Variants in EDA observed in about 807,000 individuals in gnomAD.
EDA encodes ectodysplasin-A.
A neutral mutation model predicts 23.6 loss-of-function variants in EDA; 2 were observed. That is an observed-to-expected ratio of 0.08 (90% CI 0.03 to 0.27). The LOEUF is 0.27. Among genes scored for constraint, EDA ranks in the 10% least tolerant of loss-of-function variants. The pLI is 1.00. For synonymous variants in EDA, 131 were observed against 132.0 expected, an observed-to-expected ratio of 0.99 and a Z score of 0.05; for missense variants, 229 against 324.2, an observed-to-expected ratio of 0.71 and a Z score of 2.26.
At chrX:69,641,644 A>G (rs1344536359) in intron 1 of EDA, among the ~76,000 whole-genome samples, 2 of 112,100 alleles carry the variant, frequency 1.8e-5, no homozygotes, top group African/African-American at 6.5e-5. Flanking sequence ...TGGTTCATCA[A>G]AGTCACTCCC....
chrX:70,029,068 A>G (rs757386759), intron 4 of EDA, among the ~76,000 whole-genome samples: 3 of 112,698 alleles, frequency 2.7e-5, no homozygotes, highest in Non-Finnish European at 3.7e-5. Flanking sequence ...CCCTTTTCTT[A>G]TAGAGTTTAT....
At chrX:69,713,717 G>A (rs1487350232) in intron 1 of EDA, among the ~76,000 whole-genome samples, 1 of 111,836 alleles carries the variant, frequency 8.9e-6, no homozygotes, top group East Asian at 2.8e-4. Flanking sequence ...TTTTATTGCT[G>A]AGTAATGTTT....
At chrX:69,958,763 G>A (rs1405084661) in intron 2 of EDA, among the ~76,000 whole-genome samples, 3 of 111,403 alleles carry the variant, frequency 2.7e-5, no homozygotes, top group African/African-American at 9.8e-5. Flanking sequence ...TGGAAGCAGG[G>A]AGCTAAGAAG....
intron 2 of EDA, among the ~76,000 whole-genome samples, chrX:69,975,020 T>C (rs777168696): frequency 8.9e-6 from 1 of 112,138 alleles, no homozygotes; most frequent in Non-Finnish European, 1.9e-5. Flanking sequence ...TTGGTGGGAA[T>C]GTAAACTAGT....
intron 1 of EDA, among the ~76,000 whole-genome samples, chrX:69,884,418 G>A (rs1243977252): frequency 8.9e-6 from 1 of 112,109 alleles, no homozygotes; most frequent in Non-Finnish European, 1.9e-5. Context: ...GCACAACTTA[G>A]TGAATATACT....
chrX:69,632,964 C>A (rs1266418953), intron 1 of EDA, among the ~76,000 whole-genome samples: 2 of 111,167 alleles, frequency 1.8e-5, no homozygotes, highest in South Asian at 3.8e-4. Flanking sequence ...TTGGGGGGGA[C>A]CTTTTTTGAC....
chrX:70,033,331 G>A, intron 6 of EDA, 67 bp from the exon 7 acceptor site: 1 of 1,199,788 alleles, frequency 8.3e-7, no homozygotes, highest in African/African-American at 1.7e-5. Context: ...GAACTCCTTG[G>A]TATTTATTTT....
At chrX:69,632,958 G>A (rs911709084) in intron 1 of EDA, among the ~76,000 whole-genome samples, 14 of 111,008 alleles carry the variant, frequency 1.3e-4, no homozygotes, top group African/African-American at 3.6e-4. Context: ...TCATCTTTGG[G>A]GGGGACCTTT....
intron 1 of EDA, among the ~76,000 whole-genome samples, chrX:69,787,598 T>C (rs1397975466): frequency 9.1e-6 from 1 of 109,374 alleles, no homozygotes. Flanking sequence ...ATTCTTTTCT[T>C]TAGGAATGTT....
intron 1 of EDA, among the ~76,000 whole-genome samples, chrX:69,662,664 G>C: frequency 8.9e-6 from 1 of 112,433 alleles, no homozygotes; most frequent in East Asian, 2.8e-4. Flanking sequence ...ATCAGGCAGA[G>C]GTTGGAACAG....
intron 1 of EDA, among the ~76,000 whole-genome samples, chrX:69,748,055 A>C (rs897185765): frequency 9.0e-6 from 1 of 111,730 alleles, no homozygotes; most frequent in African/African-American, 3.3e-5. Context: ...GGAAAGAAGT[A>C]GGTCCCTGGA....
intron 1 of EDA, among the ~76,000 whole-genome samples, chrX:69,879,337 T>C (rs1157046826): frequency 2.7e-5 from 3 of 112,269 alleles, no homozygotes; most frequent in African/African-American, 9.7e-5. Flanking sequence ...TTGCTGTTCT[T>C]TTTGGTTCTT....
chrX:69,816,134 AAAAC>A (rs2016076457), intron 1 of EDA, among the ~76,000 whole-genome samples: 1 of 111,963 alleles, frequency 8.9e-6, no homozygotes, highest in South Asian at 3.8e-4. Context: ...TGTTAAAATA[AAAAC>A]AAACAGAAAA....
intron 1 of EDA, among the ~76,000 whole-genome samples, chrX:69,696,740 A>C (rs1453690060): frequency 8.9e-6 from 1 of 112,216 alleles, no homozygotes; most frequent in African/African-American, 3.2e-5. Context: ...ATGAATATGC[A>C]TTTCATAATT....
intron 1 of EDA, among the ~76,000 whole-genome samples, chrX:69,832,443 TGTA>T: frequency 8.9e-6 from 1 of 112,024 alleles, no homozygotes; most frequent in Non-Finnish European, 1.9e-5. Context: ...ACTGTAGCCT[TGTA>T]GTATAGTTTG....
intron 1 of EDA, among the ~76,000 whole-genome samples, chrX:69,854,349 A>C (rs901548396): frequency 1.8e-5 from 2 of 110,792 alleles, no homozygotes; most frequent in African/African-American, 6.6e-5. Context: ...ACCTGCCACC[A>C]TGCCCAGCTA....
intron 1 of EDA, among the ~76,000 whole-genome samples, chrX:69,829,334 C>T (rs2016548335): frequency 1.8e-5 from 2 of 111,964 alleles, no homozygotes; most frequent in South Asian, 7.4e-4. Flanking sequence ...ACATTTTGCA[C>T]TTCCCCACCA....
At position 70,023,240 on chromosome X, in the gene EDA, G is replaced by C. The variant is rs1202440838; in HGVS notation, c.525G>C (p.Lys175Asn). 1 of 1,117,990 alleles carries C rather than the reference G, an allele frequency of 8.9e-7. No individual in the cohort carries two copies. Among genetic ancestry groups the C allele is most frequent in the Non-Finnish European group, 1.2e-6 (1 of 814,838 alleles). The allele number at this position is 1,117,990 out of a possible 1,213,427, so 92.1% of individuals were successfully genotyped here. A position where few individuals can be genotyped will look rare whatever the true frequency, so the allele number is the denominator to read the frequency against. ...TAGGCCCAGTTAAAAACAAGAAAAA[G>C]GGTAAGTTCCTGACTTTATAAAATT... ...GADGPVKNKK[K>N]GKKAGPPGPN... Residue 175 changes from lysine to asparagine, a missense_variant and splice_region_variant, in exon 3 of 8, where the codon AAG becomes AAC. Around this residue, in one of 2 missense-constraint regions of EDA, gnomAD observed 175 missense variants for 281.8 expected, o/e 0.62. Coordinates refer to ENST00000374552, the MANE Select transcript of EDA (RefSeq NM_001399.5).
intron 1 of EDA, among the ~76,000 whole-genome samples, chrX:69,923,010 G>T (rs1458079311): frequency 1.8e-5 from 2 of 111,528 alleles, no homozygotes; most frequent in African/African-American, 6.5e-5. Context: ...ACAGCAGTAA[G>T]GAGGACTAAA....
Sources: allele counts gnomAD v4.1 joint callset (sites outside exome capture counted in the v4.1 genomes callset), GRCh38; gene constraint gnomAD v4.1.1; regional missense constraint gnomAD v4.1.1; transcripts MANE v1.5; gene names NCBI Gene and HGNC (gene_info 2026-07-23, HGNC 2026-07-21).